APBA1: variants seen among roughly 807,000 people sequenced by gnomAD.
APBA1 encodes the protein amyloid-beta A4 precursor protein-binding family A member 1.
Under a neutral mutation model 86.6 loss-of-function variants are expected in APBA1, and 55 were observed. The ratio of observed to expected loss-of-function variants is 0.64; its 90% CI spans 0.51 to 0.80. The LOEUF is 0.80. APBA1 is among the 30% of genes least tolerant of loss of function. The pLI is 0.00. For synonymous variants in APBA1, 511 were observed against 493.9 expected (o/e 1.03, Z -0.46); for missense variants, 1,090 against 1,183.0 (o/e 0.92, Z 1.15).
intron 1 of APBA1, among the ~76,000 whole-genome samples, chr9:69,618,566 G>A (rs1822752807): frequency 1.3e-5 from 2 of 152,138 alleles, no homozygotes; most frequent in African/African-American, 4.8e-5. Context: ...CAAGATGGCG[G>A]CCAGTCATAC....
At chr9:69,548,226 A>G (rs1836727542) in intron 1 of APBA1, among the ~76,000 whole-genome samples, 1 of 152,200 alleles carries the variant, frequency 6.6e-6, no homozygotes, top group Non-Finnish European at 1.5e-5. Flanking sequence ...CTCAGCCCAC[A>G]GCTGCATGGA....
At chr9:69,573,879 C>CA (rs1837154095) in intron 1 of APBA1, among the ~76,000 whole-genome samples, 1 of 152,200 alleles carries the variant, frequency 6.6e-6, no homozygotes, top group Non-Finnish European at 1.5e-5. Context: ...TGAAACTCAG[C>CA]ATGATGACTT....
intron 1 of APBA1, among the ~76,000 whole-genome samples, chr9:69,619,314 T>G (rs1822766797): frequency 1.3e-5 from 2 of 152,190 alleles, no homozygotes; most frequent in South Asian, 4.2e-4. Flanking sequence ...CTGACAGAAC[T>G]ATAGAAGCAA....
chr9:69,466,353 A>G (rs997948746), intron 5 of APBA1, among the ~76,000 whole-genome samples: 5 of 152,190 alleles, frequency 3.3e-5, no homozygotes, highest in African/African-American at 1.2e-4. Flanking sequence ...CACATGGCAG[A>G]GTCTGGACAC....
chr9:69,552,297 T>A (rs983275389), intron 1 of APBA1, among the ~76,000 whole-genome samples: 17 of 152,376 alleles, frequency 1.1e-4, no homozygotes, highest in Non-Finnish European at 1.8e-4. Context: ...CTTGCTTGAT[T>A]CATTGTGTTT....
intron 1 of APBA1, among the ~76,000 whole-genome samples, chr9:69,653,640 A>AT (rs1823551968): frequency 6.6e-6 from 1 of 152,252 alleles, no homozygotes; most frequent in Admixed American, 6.5e-5. Flanking sequence ...CTAGAAATCA[A>AT]TAACAGAAGG....
intron 2 of APBA1, among the ~76,000 whole-genome samples, chr9:69,512,191 A>G (rs1276505685): frequency 6.6e-6 from 1 of 152,236 alleles, no homozygotes; most frequent in Non-Finnish European, 1.5e-5. Flanking sequence ...ATATATTTAG[A>G]AAAGTGAAAC....
chr9:69,646,785 T>A (rs1339965723), intron 1 of APBA1, among the ~76,000 whole-genome samples: 1 of 152,162 alleles, frequency 6.6e-6, no homozygotes, highest in Non-Finnish European at 1.5e-5. Flanking sequence ...AGAGCTCCAT[T>A]TGTCTCTTGC....
Position 69,516,011 on chromosome 9 carries a change from A to C in APBA1, c.1200T>G (p.Asp400Glu), listed in dbSNP as rs769881277. Residue 400 changes from aspartate to glutamate, a missense_variant and splice_region_variant, in exon 2 of 13, where the codon GAT (aspartate) becomes GAG (glutamate). This residue lies in a region of APBA1 where 678 missense variants were observed against 647.1 expected (regional missense o/e 1.05). Coordinates refer to ENST00000265381, the MANE Select transcript of APBA1 (RefSeq NM_001163.4). The surrounding 1 kb of genome is among the most constrained non-coding windows in gnomAD (Gnocchi z 7.3). ...DCDDQRPMDGDSPSPGSSSPL... is the reference protein window; with the variant it reads ...DCDDQRPMDGESPSPGSSSPL... Reference sequence around the variant, plus strand: ...GAAGCCCAAACCCGCACCTACTTACATCTCCGTCCATCGGCCTCTGGTCGT... The same window carrying C: ...GAAGCCCAAACCCGCACCTACTTACCTCTCCGTCCATCGGCCTCTGGTCGT... 1 of 1,557,672 alleles carries C rather than the reference A, an allele frequency of 6.4e-7. No homozygotes were observed. The highest frequency in any genetic ancestry group is 1.2e-5 in the South Asian group (1 of 85,314).
At chr9:69,658,706 C>A (rs552096083) in intron 1 of APBA1, among the ~76,000 whole-genome samples, 1 of 151,938 alleles carries the variant, frequency 6.6e-6, no homozygotes, top group East Asian at 1.9e-4. Context: ...CACCTGTCCT[C>A]AAGTCCCTAC....
At chr9:69,442,195 A>C (rs1173567746) in intron 10 of APBA1, among the ~76,000 whole-genome samples, 1 of 152,194 alleles carries the variant, frequency 6.6e-6, no homozygotes, top group East Asian at 1.9e-4. Context: ...TCATTGCCAC[A>C]TGGAGGAGAA....
At position 69,495,833 on chromosome 9, in the gene APBA1, C is replaced by T. The variant is rs529142559; in HGVS notation, c.1201-19690G>A. On this transcript the variant is annotated intron_variant, in intron 2 of 12. Coordinates refer to ENST00000265381, the MANE Select transcript of APBA1 (RefSeq NM_001163.4). ...CTCTCTCAGGACCTGCATCAGGATGCACCTGGGCATGTGGTGCGAGCCTGG... is the reference window on the plus strand; with the variant it reads ...CTCTCTCAGGACCTGCATCAGGATGTACCTGGGCATGTGGTGCGAGCCTGG... Among the ~76,000 whole-genome samples the T allele has an allele frequency of 6.7e-4, 102 of 152,178 alleles. 1 individual carries two copies. The South Asian group carries it at 8.5e-3, about 13-fold the overall frequency.
intron 1 of APBA1, among the ~76,000 whole-genome samples, chr9:69,603,337 C>T (rs1422632912): frequency 1.3e-5 from 2 of 152,210 alleles, no homozygotes; most frequent in East Asian, 1.9e-4. Flanking sequence ...TGCAATTTCG[C>T]TTTGAATTTT....
At position 69,454,527 on chromosome 9, in the gene APBA1, G is replaced by A. The variant is rs1835063660; in HGVS notation, c.1788+1720C>T. ...CTGCAGAAGAGGAACTTGAGGCTTAGTGGCTGCACAGCTTGGATGAGGAAG... is the reference window on the plus strand; with the variant it reads ...CTGCAGAAGAGGAACTTGAGGCTTAATGGCTGCACAGCTTGGATGAGGAAG... On this transcript the variant is annotated intron_variant, in intron 8 of 12. Coordinates refer to ENST00000265381, the MANE Select transcript of APBA1 (RefSeq NM_001163.4). Among the ~76,000 whole-genome samples the A allele has an allele frequency of 2.6e-5, 4 of 152,306 alleles. No homozygotes were observed. The South Asian group carries it at 8.3e-4, about 32-fold the overall frequency.
At chr9:69,458,217 G>A (rs747550076) in intron 5 of APBA1, 29 bp from the exon 6 acceptor site, 2 of 1,596,236 alleles carry the variant, frequency 1.3e-6, no homozygotes, top group South Asian at 2.3e-5. Context: ...ACAGAGACAG[G>A]AGAATAGTTA....
At chr9:69,471,869 T>A (rs1588304743) in intron 3 of APBA1, among the ~76,000 whole-genome samples, 174 bp from the exon 4 acceptor site, 1 of 152,282 alleles carries the variant, frequency 6.6e-6, no homozygotes, top group East Asian at 1.9e-4. Flanking sequence ...TTAGTAAAGG[T>A]TACCTAAAAC....
At chr9:69,646,016 C>T (rs533945615) in intron 1 of APBA1, among the ~76,000 whole-genome samples, 27 of 152,352 alleles carry the variant, frequency 1.8e-4, no homozygotes, top group African/African-American at 6.3e-4. Context: ...CATGGATAGA[C>T]ATACTCACCA....
chr9:69,495,646 C>T (rs11138947), intron 2 of APBA1, among the ~76,000 whole-genome samples: 106,745 of 151,948 alleles, frequency 0.7, 37,827 homozygotes, highest in Non-Finnish European at 0.72. Flanking sequence ...GGCTGGCCTA[C>T]CCCTTCTGGC....
intron 1 of APBA1, among the ~76,000 whole-genome samples, chr9:69,532,784 T>G (rs1412243): frequency 0.23 from 34,814 of 152,100 alleles, 4,165 homozygotes; most frequent in African/African-American, 0.3. Flanking sequence ...TTCTAAGTAG[T>G]CAAGCTGTTT....
Sources: allele counts gnomAD v4.1 joint callset (sites outside exome capture counted in the v4.1 genomes callset), GRCh38; gene constraint gnomAD v4.1.1; regional missense constraint gnomAD v4.1.1; non-coding constraint Gnocchi (gnomAD v3.1); transcripts MANE v1.5; gene names NCBI Gene and HGNC (gene_info 2026-07-23, HGNC 2026-07-21).